TASP1: variants seen among roughly 807,000 people sequenced by gnomAD.
TASP1 encodes taspase 1.
TASP1 carries 16 observed loss-of-function variants against 56.6 expected under a neutral mutation model. That is an observed-to-expected ratio of 0.28 (90% CI 0.19 to 0.43). The LOEUF is 0.43. TASP1 is among the 20% of genes least tolerant of loss of function. TASP1 has a pLI of 1.00. For missense variants in TASP1, 393 were observed against 511.6 expected (o/e 0.77, Z 2.24); for synonymous variants, 179 against 184.2 (o/e 0.97, Z 0.23).
intron 10 of TASP1, among the ~76,000 whole-genome samples, chr20:13,519,631 A>G (rs1285881329): frequency 2.6e-5 from 4 of 152,156 alleles, no homozygotes; most frequent in African/African-American, 7.2e-5. Context: ...TCAAAATAAT[A>G]AGAGCTATCT....
chr20:13,238,227 G>A, the TASP1 span: 1 of 152,178 alleles, frequency 6.6e-6, no homozygotes, highest in East Asian at 1.9e-4. Flanking sequence ...ATGGGCCTGA[G>A]AGACTTCTAC....
the TASP1 span, among the ~76,000 whole-genome samples, chr20:13,150,230 G>A: frequency 5.6e-3 from 849 of 152,148 alleles, 7 homozygotes; most frequent in Middle Eastern, 0.02. Context: ...CTTAAGTAAG[G>A]CAAATATTCT....
the TASP1 span, among the ~76,000 whole-genome samples, chr20:13,312,943 C>T: frequency 6.6e-6 from 1 of 152,172 alleles, no homozygotes; most frequent in South Asian, 2.1e-4. Context: ...CTCTGCTTCA[C>T]CTTACCTACA....
chr20:13,205,986 C>A, the TASP1 span, among the ~76,000 whole-genome samples: 2 of 152,236 alleles, frequency 1.3e-5, no homozygotes, highest in Non-Finnish European at 2.9e-5. Flanking sequence ...GCTCTCAGGA[C>A]CTCCATCACC....
intron 10 of TASP1, among the ~76,000 whole-genome samples, chr20:13,488,920 C>T (rs1242889921): frequency 8.5e-5 from 13 of 152,136 alleles, no homozygotes; most frequent in Non-Finnish European, 1.3e-4. Flanking sequence ...CATCAACTTA[C>T]ATCCATCCCC....
the TASP1 span, among the ~76,000 whole-genome samples, chr20:13,155,031 A>C: frequency 7.2e-5 from 11 of 152,122 alleles, no homozygotes; most frequent in East Asian, 1.9e-4. Context: ...AAATACAAAA[A>C]TTAGGTGGGC....
the TASP1 span, among the ~76,000 whole-genome samples, chr20:13,110,687 C>T: frequency 2.0e-5 from 3 of 152,054 alleles, no homozygotes; most frequent in African/African-American, 7.2e-5. Flanking sequence ...AAAGATCTGC[C>T]TGTTTTCCCC....
At chr20:13,294,163 C>A in the TASP1 span, among the ~76,000 whole-genome samples, 2 of 152,088 alleles carry the variant, frequency 1.3e-5, no homozygotes, top group African/African-American at 4.8e-5. Context: ...GGCCTGAAAT[C>A]TTGATTTTGC....
chr20:13,588,356 G>C (rs1787949007), intron 4 of TASP1, among the ~76,000 whole-genome samples: 1 of 151,824 alleles, frequency 6.6e-6, no homozygotes, highest in Non-Finnish European at 1.5e-5. Context: ...AAGGTAGGTA[G>C]GTAGGTCTAG....
chr20:13,209,487 A>T, the TASP1 span, among the ~76,000 whole-genome samples: 3 of 152,204 alleles, frequency 2.0e-5, no homozygotes, highest in Admixed American at 2.0e-4. Flanking sequence ...TCTTTTATGA[A>T]TTCTTTCTGT....
chr20:13,167,903 A>C, the TASP1 span: 2 of 152,166 alleles, frequency 1.3e-5, no homozygotes, highest in African/African-American at 2.4e-5. Context: ...TGATAAACCA[A>C]TTGACTCTAA....
downstream of TASP1, among the ~76,000 whole-genome samples, chr20:13,385,799 C>T (rs1015427129): frequency 6.6e-6 from 1 of 152,234 alleles, no homozygotes; most frequent in African/African-American, 2.4e-5. Context: ...AACTGCGAAA[C>T]ACATATTCGG....
the TASP1 span, among the ~76,000 whole-genome samples, chr20:13,362,808 AATATATATATATAT>A: frequency 0.38 from 43,501 of 114,870 alleles, 8,873 homozygotes; most frequent in African/African-American, 0.58. Flanking sequence ...AATAGCAAGA[AATATATATATATAT>A]ATATATATAT....
chr20:13,221,874 C>A, the TASP1 span: 1 of 1,413,888 alleles, frequency 7.1e-7, no homozygotes, highest in Non-Finnish European at 9.2e-7. Flanking sequence ...GCCGACGGGC[C>A]CGACGCGGCC....
chr20:13,331,673 C>CTTTTTTTTTT, the TASP1 span, among the ~76,000 whole-genome samples: 1 of 131,426 alleles, frequency 7.6e-6, no homozygotes, highest in Non-Finnish European at 1.7e-5. Context: ...TTTTTTGTGG[C>CTTTTTTTTTT]TTTTTTTTTT....
chr20:13,617,990 AGCCCAG>A (rs2048580311), intron 4 of TASP1, among the ~76,000 whole-genome samples: 1 of 152,004 alleles, frequency 6.6e-6, no homozygotes, highest in Non-Finnish European at 1.5e-5. Context: ...AGAAGTATAG[AGCCCAG>A]GGAAGAGAAT....
chr20:13,356,503 CAGTA>C, the TASP1 span, among the ~76,000 whole-genome samples: 1 of 152,202 alleles, frequency 6.6e-6, no homozygotes, highest in South Asian at 2.1e-4. Context: ...AATTCTTGCC[CAGTA>C]AGTAACTTGA....
At chr20:13,343,067 C>T in the TASP1 span, among the ~76,000 whole-genome samples, 2 of 152,294 alleles carry the variant, frequency 1.3e-5, no homozygotes, top group Non-Finnish European at 1.5e-5. Context: ...CGGAAGGCTC[C>T]GAGAAGGGTC....
chr20:13,125,056 GC>G, the TASP1 span, among the ~76,000 whole-genome samples: 1 of 150,964 alleles, frequency 6.6e-6, no homozygotes, highest in East Asian at 1.9e-4. Flanking sequence ...CAGCCCATTA[GC>G]TTTTCTGCAG....
Sources: allele counts gnomAD v4.1 joint callset (sites outside exome capture counted in the v4.1 genomes callset), GRCh38; gene constraint gnomAD v4.1.1; transcripts MANE v1.5; gene names NCBI Gene and HGNC (gene_info 2026-07-23, HGNC 2026-07-21).